The following CTNNA3 variants were observed in gnomAD, a reference collection of about 807,000 sequenced individuals.
The protein encoded by CTNNA3 is catenin alpha 3.
In CTNNA3, 76 loss-of-function variants were observed where a neutral mutation model predicts 95.7. The observed-to-expected ratio is 0.79, with a 90% CI of 0.66 to 0.96. CTNNA3 has a LOEUF of 0.96. Ranked by LOEUF, CTNNA3 falls within the 40% of genes least tolerant of loss-of-function variation. The pLI is 0.00. For missense variants in CTNNA3, 1,191 were observed against 1,089.8 expected (o/e 1.09, Z -1.31); for synonymous variants, 431 against 374.4 (o/e 1.15, Z -1.74).
chr10:67,426,760 C>A (rs1845936967), intron 5 of CTNNA3, among the ~76,000 whole-genome samples: 1 of 150,548 alleles, frequency 6.6e-6, no homozygotes, highest in Non-Finnish European at 1.5e-5. Flanking sequence ...ACCTATGTAA[C>A]AAACCTGCAT....
At chr10:67,468,371 A>C (rs1847683275) in intron 5 of CTNNA3, among the ~76,000 whole-genome samples, 1 of 152,210 alleles carries the variant, frequency 6.6e-6, no homozygotes, top group Non-Finnish European at 1.5e-5. Flanking sequence ...CCTTTTAAAA[A>C]AAAAATGGAA....
intron 7 of CTNNA3, among the ~76,000 whole-genome samples, chr10:67,162,370 T>C (rs1452614197): frequency 3.3e-5 from 5 of 151,196 alleles, no homozygotes; most frequent in Non-Finnish European, 5.9e-5. Flanking sequence ...TATATTAAGA[T>C]AGACCATATC....
At chr10:66,695,916 A>AGGGGGG in intron 9 of CTNNA3, among the ~76,000 whole-genome samples, 1 of 119,366 alleles carries the variant, frequency 8.4e-6, no homozygotes, top group South Asian at 3.3e-4. Context: ...AAGAGACGTA[A>AGGGGGG]GGGGGGGGGG....
chr10:67,430,820 TACACACACACAC>T (rs371146065), intron 5 of CTNNA3, among the ~76,000 whole-genome samples: 2 of 138,770 alleles, frequency 1.4e-5, no homozygotes, highest in Non-Finnish European at 3.1e-5. Context: ...CAAACATAAC[TACACACACACAC>T]ACACACACAC....
chr10:67,571,611 T>G (rs1249125954), intron 3 of CTNNA3, among the ~76,000 whole-genome samples: 1 of 152,158 alleles, frequency 6.6e-6, no homozygotes, highest in African/African-American at 2.4e-5. Context: ...TAGACTATAG[T>G]TTATACAGGC....
intron 10 of CTNNA3, among the ~76,000 whole-genome samples, chr10:66,587,480 A>C (rs544172554): frequency 3.3e-5 from 5 of 152,170 alleles, no homozygotes; most frequent in African/African-American, 1.2e-4. Context: ...GCACTGTGCT[A>C]CCAGGGCAGG....
chr10:67,483,778 A>T (rs1848338215), intron 5 of CTNNA3, among the ~76,000 whole-genome samples: 1 of 144,222 alleles, frequency 6.9e-6, no homozygotes, highest in African/African-American at 2.5e-5. Flanking sequence ...ATAAAAATTA[A>T]AAAAAAAAAC....
intron 15 of CTNNA3, among the ~76,000 whole-genome samples, chr10:66,049,793 A>C (rs200818188): frequency 6.6e-6 from 1 of 151,758 alleles, no homozygotes; most frequent in Non-Finnish European, 1.5e-5. Flanking sequence ...CATCTACTTG[A>C]GGGGGAAGGG....
At chr10:66,758,475 A>T (rs1044972596) in intron 9 of CTNNA3, among the ~76,000 whole-genome samples, 2 of 152,202 alleles carry the variant, frequency 1.3e-5, no homozygotes, top group Admixed American at 6.6e-5. Context: ...AAAGTGCATG[A>T]TCAGGCTGAT....
intron 13 of CTNNA3, among the ~76,000 whole-genome samples, chr10:66,239,720 T>C (rs72797283): frequency 0.025 from 3,870 of 152,106 alleles, 65 homozygotes; most frequent in Non-Finnish European, 0.036. Flanking sequence ...ACTGGTTTGT[T>C]GTTTTTTTCG....
chr10:67,147,060 A>G (rs1207077443), intron 7 of CTNNA3, among the ~76,000 whole-genome samples: 3 of 152,178 alleles, frequency 2.0e-5, no homozygotes, highest in African/African-American at 4.8e-5. Flanking sequence ...GCCAAAGGAC[A>G]CTTTTCTCAA....
At chr10:65,976,858 A>C (rs1185523396) in intron 16 of CTNNA3, among the ~76,000 whole-genome samples, 1 of 151,704 alleles carries the variant, frequency 6.6e-6, no homozygotes, top group Non-Finnish European at 1.5e-5. Flanking sequence ...TTTCTTATAC[A>C]CTCTAGATAT....
rs772875103 is a variant in CTNNA3, at chr10:66,927,273, T to C, written c.1048-151749A>G. On this transcript the variant is annotated intron_variant, in intron 7 of 17. Transcript: ENST00000433211. The surrounding 1 kb of genome is among the most constrained non-coding windows in gnomAD (Gnocchi z 4.7). ...TCAAAGAGCTGATTCTTAGTTCCAA[T>C]AGAATCTCCTATTTTCTTAACAATA... The C allele has an allele frequency of 5.6e-6, 9 of 1,613,908 alleles. No individual in the cohort carries two copies. In the Admixed American group the frequency reaches 6.7e-5, roughly 12 times the overall value.
rs1209652273 is a variant in CTNNA3, at chr10:67,640,524, C to CA, written c.99+6890dup. Reference sequence around the variant, plus strand: ...AACTACTTTAAAGTTCATATGGAACCAAAAAAGAGCCTGCATTGCCAAGTC... The same window carrying CA: ...AACTACTTTAAAGTTCATATGGAACCAAAAAAAGAGCCTGCATTGCCAAGTC... On this transcript the variant is annotated intron_variant, in intron 2 of 17. Transcript: ENST00000433211. Among the ~76,000 whole-genome samples the CA allele has an allele frequency of 4.6e-5, 7 of 152,134 alleles. No homozygotes were observed. In the South Asian group the frequency reaches 1.5e-3, roughly 32 times the overall value.
At chr10:66,870,924 A>G (rs924170761) in intron 7 of CTNNA3, among the ~76,000 whole-genome samples, 1 of 152,190 alleles carries the variant, frequency 6.6e-6, no homozygotes, top group Non-Finnish European at 1.5e-5. Flanking sequence ...ACAGAGCTAA[A>G]AAACCACTAT....
At chr10:66,950,409 A>G (rs1334262251) in intron 7 of CTNNA3, among the ~76,000 whole-genome samples, 6 of 152,088 alleles carry the variant, frequency 3.9e-5, no homozygotes, top group Admixed American at 3.9e-4. Context: ...GAGATATACT[A>G]TATGTTTAAT....
chr10:66,439,192 T>C (rs2093359201), intron 11 of CTNNA3, among the ~76,000 whole-genome samples: 1 of 152,176 alleles, frequency 6.6e-6, no homozygotes, highest in African/African-American at 2.4e-5. Context: ...TGTAATCTAA[T>C]TATAACTTTA....
At chr10:67,697,170 A>G (rs1474901821), upstream of CTNNA3, among the ~76,000 whole-genome samples, 2 of 152,208 alleles carry the variant, frequency 1.3e-5, no homozygotes, top group Non-Finnish European at 2.9e-5. Context: ...CTGTATTTTT[A>G]TGTAGCTACC....
At chr10:66,693,735 A>G (rs1011367958) in intron 9 of CTNNA3, among the ~76,000 whole-genome samples, 19 of 152,274 alleles carry the variant, frequency 1.2e-4, no homozygotes, top group Non-Finnish European at 1.9e-4. Flanking sequence ...AGCAAATATA[A>G]AAGAACATAA....
Sources: allele counts gnomAD v4.1 joint callset (sites outside exome capture counted in the v4.1 genomes callset), GRCh38; gene constraint gnomAD v4.1.1; non-coding constraint Gnocchi (gnomAD v3.1); transcripts MANE v1.5; gene names NCBI Gene and HGNC (gene_info 2026-07-23, HGNC 2026-07-21).